RAPGEF5: variants seen among roughly 807,000 people sequenced by gnomAD.
RAPGEF5 encodes the protein Rap guanine nucleotide exchange factor 5.
RAPGEF5 carries 65 observed loss-of-function variants against 125.2 expected under a neutral mutation model. The observed-to-expected ratio is 0.52, with a 90% CI of 0.43 to 0.64. The LOEUF is 0.64. Among genes scored for constraint, RAPGEF5 ranks in the 30% least tolerant of loss-of-function variants. RAPGEF5 has a pLI of 0.00. For synonymous variants in RAPGEF5, 391 were observed against 385.9 expected, an observed-to-expected ratio of 1.01 and a Z score of -0.16; for missense variants, 958 against 1,048.1, an observed-to-expected ratio of 0.91 and a Z score of 1.19.
rs1441067729 is a variant in RAPGEF5 at position 22,119,301 on chromosome 7, G to T, written c.*3105C>A. 3 of 152,154 alleles carry T rather than the reference G, an allele frequency of 2.0e-5. No homozygotes were observed. The highest frequency in any genetic ancestry group is 2.9e-5 in the Non-Finnish European group (2 of 68,032). 9.4% of individuals were successfully genotyped at this position (152,154 alleles called of 1,614,324 possible). A position where few individuals can be genotyped will look rare whatever the true frequency, so the allele number is the denominator to read the frequency against. ...GTGTGAGCACTGACCTTATCCACAT[G>T]CTTCTAAATTCGGTGTATGCTCCAC... On this transcript the variant is annotated 3_prime_UTR_variant, in exon 26 of 26. Coordinates refer to ENST00000665637, the MANE Select transcript of RAPGEF5 (RefSeq NM_012294.5). The surrounding 1 kb of genome is among the most constrained non-coding windows in gnomAD (Gnocchi z 4.1).
intron 9 of RAPGEF5, among the ~76,000 whole-genome samples, chr7:22,214,412 T>C (rs774532558): frequency 6.6e-6 from 1 of 152,202 alleles, no homozygotes; most frequent in African/African-American, 2.4e-5. Context: ...TGCTCATTTC[T>C]ACAGTTGGAA....
chr7:22,282,247 G>T (rs904554121), intron 6 of RAPGEF5, among the ~76,000 whole-genome samples: 3 of 151,926 alleles, frequency 2.0e-5, no homozygotes, highest in Non-Finnish European at 4.4e-5. Flanking sequence ...TTGCACACAT[G>T]GACCAAGCTG....
At chr7:22,300,301 T>C (rs1217938067) in intron 5 of RAPGEF5, among the ~76,000 whole-genome samples, 1 of 152,266 alleles carries the variant, frequency 6.6e-6, no homozygotes, top group African/African-American at 2.4e-5. Context: ...GGTTCTTTTT[T>C]TATTGTTTGT....
rs1001719216 is a variant in RAPGEF5, at chr7:22,295,875, C to T, written c.681-4634G>A. 9.2e-5 allele frequency among the ~76,000 whole-genome samples: 14 copies of T among 152,058 alleles called. No homozygotes were observed. The Middle Eastern group carries it at 0.01, about 111-fold the overall frequency. On this transcript the variant is annotated intron_variant, in intron 5 of 25. Transcript: ENST00000665637. ...AGTACAAAGGGTAGGCTTCAGACATCGGAATAGCAGACTTGAACTTAAGCT... is the reference window on the plus strand; with the variant it reads ...AGTACAAAGGGTAGGCTTCAGACATTGGAATAGCAGACTTGAACTTAAGCT...
intron 11 of RAPGEF5, among the ~76,000 whole-genome samples, chr7:22,174,127 A>G (rs992975047): frequency 5.9e-5 from 9 of 152,184 alleles, no homozygotes; most frequent in African/African-American, 2.2e-4. Context: ...AGAGCCTGGT[A>G]TACCCTAGGC....
chr7:22,164,471 G>C (rs1784100819), intron 12 of RAPGEF5, among the ~76,000 whole-genome samples: 1 of 152,104 alleles, frequency 6.6e-6, no homozygotes, highest in Non-Finnish European at 1.5e-5. Flanking sequence ...TGTAAATGAA[G>C]ATATGAACTT....
rs3840578 is a variant in RAPGEF5 at position 22,118,900 on chromosome 7, G to GCC, written c.*3504_*3505dup. 2 of 69,178 alleles carry GCC rather than the reference G, an allele frequency of 2.9e-5. No individual in the cohort carries two copies. Among genetic ancestry groups the GCC allele is most frequent in the Admixed American group, 1.3e-4 (1 of 7,930 alleles). 4.3% of individuals were successfully genotyped at this position (69,178 alleles called of 1,614,324 possible). ...GGCAATTTTTAAAAACTTCCCCCCC[G>GCC]CCCCCCCACCAGTTTTAAGCAAAAC... On this transcript the variant is annotated 3_prime_UTR_variant, in exon 26 of 26. Coordinates refer to ENST00000665637, the MANE Select transcript of RAPGEF5 (RefSeq NM_012294.5).
intron 7 of RAPGEF5, among the ~76,000 whole-genome samples, chr7:22,234,991 A>G (rs1786152192): frequency 6.6e-6 from 1 of 152,208 alleles, no homozygotes; most frequent in Non-Finnish European, 1.5e-5. Flanking sequence ...CATTAAACAC[A>G]CAATGACTGT....
intron 18 of RAPGEF5, among the ~76,000 whole-genome samples, chr7:22,147,515 C>T (rs898058863): frequency 8.5e-5 from 13 of 152,224 alleles, no homozygotes; most frequent in Middle Eastern, 3.4e-3. Flanking sequence ...TTAAAATGCC[C>T]ATAGAAAGTA....
chr7:22,213,767 C>T lies in RAPGEF5; in HGVS notation c.996+6099G>A, dbSNP rs1785564732. On this transcript the variant is annotated intron_variant, in intron 9 of 25. Transcript: ENST00000665637. The stretch of plus-strand genomic sequence containing the variant: ...CTAGTTGTGACTTTCAATTCTATTA[C>T]AGTAATGTTAGAAAGTTCTACTTCT... Among the ~76,000 whole-genome samples the T allele has an allele frequency of 2.0e-5, 3 of 152,158 alleles. No individual in the cohort carries two copies. In the South Asian group the frequency reaches 6.2e-4, roughly 32 times the overall value.
chr7:22,279,817 G>C (rs1782634473), intron 6 of RAPGEF5, among the ~76,000 whole-genome samples: 1 of 152,180 alleles, frequency 6.6e-6, no homozygotes, highest in South Asian at 2.1e-4. Flanking sequence ...TGAATTGGCT[G>C]GCATTTGTTC....
intron 6 of RAPGEF5, among the ~76,000 whole-genome samples, chr7:22,290,516 C>T (rs202092386): frequency 4.6e-5 from 7 of 152,108 alleles, no homozygotes; most frequent in Admixed American, 6.5e-5. Flanking sequence ...GAGGCTGAGG[C>T]GGGCGGATCA....
chr7:22,315,289 G>T, intron 3 of RAPGEF5, 81 bp downstream of exon 3: 2 of 1,466,816 alleles, frequency 1.4e-6, no homozygotes, highest in South Asian at 2.6e-5. Context: ...ACCTCTCTTT[G>T]ATCAAGGTTA....
chr7:22,325,224 G>A (rs1783791502), intron 1 of RAPGEF5, among the ~76,000 whole-genome samples: 1 of 152,166 alleles, frequency 6.6e-6, no homozygotes, highest in African/African-American at 2.4e-5. Context: ...CCCATTTGCA[G>A]GTATATGCCA....
intron 7 of RAPGEF5, among the ~76,000 whole-genome samples, chr7:22,247,503 C>T (rs865896895): frequency 3.3e-5 from 5 of 152,062 alleles, no homozygotes; most frequent in Admixed American, 1.3e-4. Flanking sequence ...AGGGCAGTTC[C>T]CACACACACT....
chr7:22,230,777 C>T (rs1186104735), intron 8 of RAPGEF5, 69 bp downstream of exon 8: 17 of 1,379,388 alleles, frequency 1.2e-5, no homozygotes, highest in Non-Finnish European at 1.6e-5. Flanking sequence ...CATTTTTTAA[C>T]ACCTGCACTG....
chr7:22,197,893 T>TAGC (rs139871450), intron 9 of RAPGEF5, among the ~76,000 whole-genome samples: 1 of 116,296 alleles, frequency 8.6e-6, no homozygotes, highest in African/African-American at 3.4e-5. Flanking sequence ...TCTTTTTTTT[T>TAGC]GGGGGGGGGT....
intron 1 of RAPGEF5, among the ~76,000 whole-genome samples, chr7:22,350,194 A>T (rs1032886176): frequency 1.3e-5 from 2 of 152,168 alleles, no homozygotes; most frequent in Admixed American, 6.5e-5. Context: ...ACTACCAATG[A>T]CTTATTTCCT....
chr7:22,159,717 G>A (rs1470952866), intron 14 of RAPGEF5, among the ~76,000 whole-genome samples: 2 of 152,164 alleles, frequency 1.3e-5, no homozygotes. Context: ...ATACCTAGGG[G>A]ACACTTAGAC....
Sources: gnomAD v4.1 joint callset for allele counts (sites outside exome capture counted in the v4.1 genomes callset) on GRCh38, gnomAD v4.1.1 for gene constraint, Gnocchi (gnomAD v3.1) non-coding constraint, MANE v1.5 for transcripts, NCBI Gene and HGNC (gene_info 2026-07-23, HGNC 2026-07-21) for gene names.